MEGF6: variants seen among roughly 807,000 people sequenced by gnomAD.
MEGF6 encodes multiple epidermal growth factor-like domains protein 6.
MEGF6 carries 184 observed loss-of-function variants against 207.1 expected under a neutral mutation model. That is an observed-to-expected ratio of 0.89 (90% CI 0.79 to 1.00). The LOEUF is 1.00. Ranked by LOEUF, MEGF6 falls within the 50% of genes least tolerant of loss-of-function variation. The probability of loss-of-function intolerance (pLI) is 0.00; values close to 1 mark genes in which losing one functional copy is unlikely to be tolerated. For missense variants in MEGF6, 2,282 were observed against 2,202.9 expected (o/e 1.04, Z -0.72); for synonymous variants, 1,038 against 910.0 (o/e 1.14, Z -2.53).
chr1:3,545,771 G>C (rs1237558702), intron 4 of MEGF6, among the ~76,000 whole-genome samples: 1 of 152,218 alleles, frequency 6.6e-6, no homozygotes, highest in Non-Finnish European at 1.5e-5. Context: ...CTGAGCCGGG[G>C]CTCCCAAGCC....
chr1:3,564,656 G>A (rs533083241), intron 4 of MEGF6, among the ~76,000 whole-genome samples: 3 of 152,166 alleles, frequency 2.0e-5, no homozygotes, highest in Non-Finnish European at 4.4e-5. Context: ...CGCCTTCCTC[G>A]ACCTCCAATG....
At chr1:3,561,096 G>T (rs1318865388) in intron 4 of MEGF6, among the ~76,000 whole-genome samples, 1 of 152,220 alleles carries the variant, frequency 6.6e-6, no homozygotes, top group Non-Finnish European at 1.5e-5. Context: ...AGGACCCGCT[G>T]GCAGGAGAGA....
chr1:3,503,457 G>C (rs1023210919), intron 17 of MEGF6, among the ~76,000 whole-genome samples: 1 of 152,194 alleles, frequency 6.6e-6, no homozygotes, highest in Admixed American at 6.5e-5. Context: ...TTAAAGAAAA[G>C]AGGGGAAGGG....
rs772447261 is a variant in MEGF6 at position 3,495,949 on chromosome 1, T to C, written c.3812A>G (p.Asp1271Gly). ...GCAGAGGCAGGTGCCGGTCACAGGG[T>C]CGCAGGCCGCCCCCTGCCCACACCC... ...VCGCGQGAACDPVTGTCLCPP... is the reference protein window; with the variant it reads ...VCGCGQGAACGPVTGTCLCPP... Residue 1271 changes from aspartate to glycine, a missense_variant, in exon 30 of 37, where the codon GAC (aspartate) becomes GGC (glycine). Coordinates refer to ENST00000356575, the MANE Select transcript of MEGF6 (RefSeq NM_001409.4). 5.0e-6 allele frequency: 8 copies of C among 1,590,372 alleles called. No homozygotes were observed. The highest frequency in any genetic ancestry group is 6.8e-6 in the Non-Finnish European group (8 of 1,175,876).
intron 4 of MEGF6, chr1:3,531,352 G>A: frequency 8.4e-7 from 1 of 1,192,488 alleles, no homozygotes; most frequent in Non-Finnish European, 1.0e-6. Flanking sequence ...TGGGTTCCGG[G>A]CGGGCGCGCA....
intron 4 of MEGF6, among the ~76,000 whole-genome samples, chr1:3,567,215 G>A (rs1643369646): frequency 6.6e-6 from 1 of 152,208 alleles, no homozygotes; most frequent in African/African-American, 2.4e-5. Context: ...CAGAGCCCTG[G>A]TCCCTCCCAG....
At chr1:3,617,027 G>A in the MEGF6 span, among the ~76,000 whole-genome samples, 3 of 152,048 alleles carry the variant, frequency 2.0e-5, 1 homozygote, top group South Asian at 6.2e-4. Flanking sequence ...CACAGGCCTG[G>A]GCTGCGGCGT....
intron 17 of MEGF6, among the ~76,000 whole-genome samples, chr1:3,502,556 G>A (rs999282132): frequency 5.3e-5 from 8 of 152,292 alleles, no homozygotes; most frequent in African/African-American, 1.7e-4. Context: ...AGGGCAGGGG[G>A]CCTCCTGGAG....
At chr1:3,530,505 G>A (rs1187328533) in intron 4 of MEGF6, among the ~76,000 whole-genome samples, 1 of 152,214 alleles carries the variant, frequency 6.6e-6, no homozygotes, top group African/African-American at 2.4e-5. Context: ...GCAACCACCT[G>A]GAGGGAGGCG....
At chr1:3,526,772 C>T (rs984035191) in intron 4 of MEGF6, among the ~76,000 whole-genome samples, 3 of 152,132 alleles carry the variant, frequency 2.0e-5, no homozygotes, top group Non-Finnish European at 2.9e-5. Flanking sequence ...AGGGAGGGGC[C>T]GCTGAGAGCC....
rs1199910299 is a variant in MEGF6 at position 3,492,742 on chromosome 1, G to A, written c.4413C>T (p.Pro1471=). Residue 1471 remains proline (P), a synonymous_variant, in exon 35 of 37, where the codon CCC becomes CCT. Coordinates refer to ENST00000356575, the MANE Select transcript of MEGF6 (RefSeq NM_001409.4). ...CGCAGTCACAGTGCAGGGTGCAGCT[G>A]GGCCCAAACTGGCCCCTTCTGCAAT... ...NLDCRRGQFG[P]SCTLHCDCGG... The A allele has an allele frequency of 4.3e-6, 7 of 1,612,364 alleles. No homozygotes were observed. The highest frequency in any genetic ancestry group is 2.2e-5 in the East Asian group (1 of 44,868).
chr1:3,592,380 C>G (rs1643994050), intron 3 of MEGF6, among the ~76,000 whole-genome samples: 1 of 152,142 alleles, frequency 6.6e-6, no homozygotes, highest in African/African-American at 2.4e-5. Context: ...GCCCCCCAGA[C>G]ACTCCCGCAG....
intron 3 of MEGF6, among the ~76,000 whole-genome samples, chr1:3,592,840 A>C (rs1010639561): frequency 1.3e-5 from 2 of 152,230 alleles, no homozygotes; most frequent in Non-Finnish European, 2.9e-5. Flanking sequence ...TCTTGCGCTA[A>C]AAACGAATGT....
chr1:3,524,851 A>G (rs192556184), intron 4 of MEGF6, among the ~76,000 whole-genome samples: 19 of 152,260 alleles, frequency 1.2e-4, no homozygotes, highest in African/African-American at 3.1e-4. Context: ...CAATGCGCCT[A>G]TCCCAACAAG....
At chr1:3,603,838 G>A (rs935179969) in intron 1 of MEGF6, among the ~76,000 whole-genome samples, 1 of 152,198 alleles carries the variant, frequency 6.6e-6, no homozygotes, top group African/African-American at 2.4e-5. Context: ...CCTGGCCCCA[G>A]GCCAGCCGCC....
intron 1 of MEGF6, among the ~76,000 whole-genome samples, chr1:3,609,759 T>G (rs1644300535): frequency 6.6e-6 from 1 of 152,108 alleles, no homozygotes; most frequent in South Asian, 2.1e-4. Context: ...GACCCTCCAC[T>G]CCTCCCCTGG....
At chr1:3,608,074 G>A (rs1023052444) in intron 1 of MEGF6, among the ~76,000 whole-genome samples, 7 of 151,970 alleles carry the variant, frequency 4.6e-5, no homozygotes, top group African/African-American at 1.2e-4. Context: ...CCTGGAGGGC[G>A]GGGCTCGCTC....
intron 4 of MEGF6, among the ~76,000 whole-genome samples, chr1:3,543,010 C>T (rs182145461): frequency 3.3e-5 from 5 of 152,298 alleles, no homozygotes; most frequent in African/African-American, 9.6e-5. Flanking sequence ...TGTCAGAGGC[C>T]GTGCCCTGCC....
intron 4 of MEGF6, among the ~76,000 whole-genome samples, chr1:3,567,152 G>C (rs1300857555): frequency 6.6e-6 from 1 of 152,230 alleles, no homozygotes; most frequent in African/African-American, 2.4e-5. Context: ...CACCTACCCT[G>C]CCAGAGTGCT....
Sources: gnomAD v4.1 joint callset for allele counts (sites outside exome capture counted in the v4.1 genomes callset) on GRCh38, gnomAD v4.1.1 for gene constraint, MANE v1.5 for transcripts, NCBI Gene and HGNC (gene_info 2026-07-23, HGNC 2026-07-21) for gene names.